MCM3: variants seen among roughly 807,000 people sequenced by gnomAD.
The protein encoded by MCM3 is minichromosome maintenance complex component 3, also known as DNA replication licensing factor MCM3.
A neutral mutation model predicts 91.3 loss-of-function variants in MCM3; 59 were observed. The ratio of observed to expected loss-of-function variants is 0.65; its 90% CI spans 0.52 to 0.80. The LOEUF is 0.80. Among genes scored for constraint, MCM3 ranks in the 30% least tolerant of loss-of-function variants. The pLI is 0.00. For missense variants in MCM3, 919 were observed against 1,035.4 expected (o/e 0.89, Z 1.54); for synonymous variants, 383 against 379.6 (o/e 1.01, Z -0.10).
At chr6:52,280,502 G>A (rs1305739067) in intron 4 of MCM3, among the ~76,000 whole-genome samples, 1 of 152,220 alleles carries the variant, frequency 6.6e-6, no homozygotes, top group African/African-American at 2.4e-5. Flanking sequence ...GAGACTAGGA[G>A]AGATTAAGTA....
intron 1 of MCM3, among the ~76,000 whole-genome samples, chr6:52,284,264 C>T (rs772347105): frequency 6.6e-6 from 1 of 152,208 alleles, no homozygotes; most frequent in East Asian, 1.9e-4. Context: ...GCCCCTCCCC[C>T]ACAGTCTCCT....
rs1562398928 is a variant in MCM3 at position 52,282,051 on chromosome 6, A to G, written c.525T>C (p.Pro175=). 1.2e-6 allele frequency: 2 copies of G among 1,614,080 alleles called. No homozygotes were observed. Among genetic ancestry groups the G allele is most frequent in the East Asian group, 2.2e-5 (1 of 44,884 alleles). ...LVAFPSSSVY[P]TKDEENNPLE... is the part of the protein sequence containing the mutation. ...ACTGATTTATCCCCCTTACCTTGGT[A>G]GGATAGACAGAGCTGGAGGGAAAGG... The change falls in exon 4 of 17, where the codon CCT becomes CCC. Residue 175 remains proline, a synonymous_variant. Transcript: ENST00000596288.
Position 52,267,884 on chromosome 6 carries a change from G to T in MCM3, c.2053C>A (p.Gln685Lys). ...CCTTACCTCTTCCTCTTCTGCTCCT[G>T]GTCCTCTTGGCTTTTCTCCTCTTCA... ...EDEEEKSQEDQEQKRKRRKTR... is the reference protein window; with the variant it reads ...EDEEEKSQEDKEQKRKRRKTR... The change falls in exon 14 of 17, where the codon CAG becomes AAG. Residue 685 changes from glutamine to lysine, a missense_variant. Coordinates refer to ENST00000596288, the MANE Select transcript of MCM3 (RefSeq NM_002388.6). 8.1e-7 allele frequency: 1 copy of T among 1,233,112 alleles called. No individual in the cohort carries two copies. The highest frequency in any genetic ancestry group is 1.2e-6 in the Non-Finnish European group (1 of 843,098). The allele number at this position is 1,233,112 out of a possible 1,614,324, so 76.4% of individuals were successfully genotyped here.
At chr6:52,268,823 A>C (rs953723193) in intron 13 of MCM3, among the ~76,000 whole-genome samples, 10 of 152,190 alleles carry the variant, frequency 6.6e-5, no homozygotes, top group Admixed American at 2.0e-4. Flanking sequence ...GCTAACTGAA[A>C]GTACAGCACA....
At position 52,276,283 on chromosome 6, in the gene MCM3, G is replaced by A. The variant is rs750522535; in HGVS notation, c.1359C>T (p.Asn453=). 3 of 1,611,612 alleles carry A rather than the reference G, an allele frequency of 1.9e-6. No homozygotes were observed. In the Admixed American group the frequency reaches 5.0e-5, roughly 27 times the overall value. Residue 453 remains asparagine (N), a synonymous_variant, in exon 9 of 17, where the codon AAC becomes AAT. Transcript: ENST00000596288. ...NARCSVLAAA[N]PVYGRYDQYK... is the part of the protein sequence containing the mutation. ...TTCCACTTACCCTGCCGTAGACAGGGTTGGCAGCTGCCAAAACACTGCAGC... is the reference window on the plus strand; with the variant it reads ...TTCCACTTACCCTGCCGTAGACAGGATTGGCAGCTGCCAAAACACTGCAGC...
intron 1 of MCM3, 150 bp from the exon 2 acceptor site, chr6:52,283,556 A>G (rs967371057): frequency 2.3e-5 from 15 of 650,488 alleles, no homozygotes; most frequent in Non-Finnish European, 2.2e-5. Context: ...TCTCCCTTTC[A>G]TTCACTGTTT....
chr6:52,269,226 T>C lies in MCM3; in HGVS notation c.1828A>G (p.Thr610Ala). Reference protein sequence around the residue: ...QDSMSSDTARTSPVTARTLET... With the variant: ...QDSMSSDTARASPVTARTLET... ...AGTGTTCGGGCTGTAACTGGAGATG[T>C]CTAGGGAAGAAAAGGGAGGATTGCT... Residue 610 changes from threonine (T) to alanine (A), a missense_variant and splice_region_variant, in exon 13 of 17, where the codon ACA becomes GCA. Around this residue, in one of 3 missense-constraint regions of MCM3, gnomAD observed 285 missense variants for 311.4 expected, o/e 0.92. Coordinates refer to ENST00000596288, the MANE Select transcript of MCM3 (RefSeq NM_002388.6). 6.2e-7 allele frequency: 1 copy of C among 1,606,640 alleles called. No individual in the cohort carries two copies. Among genetic ancestry groups the C allele is most frequent in the Admixed American group, 1.7e-5 (1 of 59,792 alleles).
At chr6:52,283,138 G>GAA (rs59102970) in intron 2 of MCM3, among the ~76,000 whole-genome samples, 156 bp downstream of exon 2, 29 of 136,352 alleles carry the variant, frequency 2.1e-4, no homozygotes, top group African/African-American at 5.1e-4. Flanking sequence ...CCCACTTTTT[G>GAA]AAAAAAAAAA....
At chr6:52,276,826 T>C (rs1023743823) in intron 8 of MCM3, among the ~76,000 whole-genome samples, 1 of 152,242 alleles carries the variant, frequency 6.6e-6, no homozygotes, top group African/African-American at 2.4e-5. Context: ...AATAGTACAA[T>C]CTTCATTTTT....
chr6:52,267,611 T>C (rs1764746126), intron 14 of MCM3, among the ~76,000 whole-genome samples: 1 of 150,034 alleles, frequency 6.7e-6, no homozygotes, highest in African/African-American at 2.5e-5. Context: ...CACTGCAACC[T>C]CTGCCTCCCA....
Position 52,276,460 on chromosome 6 carries a change from T to G in MCM3, c.1182A>C (p.Glu394Asp). Residue 394 changes from glutamate to aspartate, a missense_variant, in exon 9 of 17, where the codon GAA (glutamate) becomes GAC (aspartate). By Grantham distance (45) the Glu-to-Asp change is conservative (BLOSUM62 2). Coordinates refer to ENST00000596288, the MANE Select transcript of MCM3 (RefSeq NM_002388.6). ...TDQETGERRL[E>D]AGAMVLADRG... ...GGTCAGCCAGGACCATGGCCCCTGC[T>G]TCCAGACGGCGCTCTCCTGGGAAGT... The G allele has an allele frequency of 6.2e-7, 1 of 1,614,142 alleles. No homozygotes were observed. Among genetic ancestry groups the G allele is most frequent in the Non-Finnish European group, 8.5e-7 (1 of 1,180,012 alleles).
chr6:52,276,395 T>C lies in MCM3; in HGVS notation c.1247A>G (p.Asp416Gly). The C allele has an allele frequency of 1.9e-6, 3 of 1,614,196 alleles. No homozygotes were observed. Among genetic ancestry groups the C allele is most frequent in the Non-Finnish European group, 2.5e-6 (3 of 1,180,048 alleles). The change falls in exon 9 of 17, where the codon GAC (aspartate) becomes GGC (glycine). Residue 416 changes from aspartate to glycine, a missense_variant. Physicochemically the swap from Asp to Gly is moderately conservative, Grantham distance 94. Coordinates refer to ENST00000596288, the MANE Select transcript of MCM3 (RefSeq NM_002388.6). Reference protein sequence around the residue: ...VCIDEFDKMSDMDRTAIHEVM... With the variant: ...VCIDEFDKMSGMDRTAIHEVM... ...TTCATGGATGGCTGTGCGATCCATG[T>C]CAGACATTTTGTCAAATTCATCAAT...
In MCM3 at chr6:52,282,806, A is replaced by G; in HGVS notation, c.247T>C (p.Phe83Leu). The change falls in exon 3 of 17, where the codon TTT becomes CTT. Residue 83 changes from phenylalanine (F) to leucine (L), a missense_variant. Phe to Leu is a conservative substitution (Grantham distance 22). Around this residue, in one of 3 missense-constraint regions of MCM3, gnomAD observed 401 missense variants for 402.7 expected, o/e 1.00. Coordinates refer to ENST00000596288, the MANE Select transcript of MCM3 (RefSeq NM_002388.6). ...TAGGTAGCATCAATGGAGGCCACAAAATCCTTTAAGGCCCGCTGGAAGGCA... is the reference window on the plus strand; with the variant it reads ...TAGGTAGCATCAATGGAGGCCACAAGATCCTTTAAGGCCCGCTGGAAGGCA... Reference protein sequence around the residue: ...LVAFQRALKDFVASIDATYAK... With the variant: ...LVAFQRALKDLVASIDATYAK... 1.2e-6 allele frequency: 2 copies of G among 1,614,094 alleles called. No individual in the cohort carries two copies. The highest frequency in any genetic ancestry group is 1.7e-6 in the Non-Finnish European group (2 of 1,180,026).
chr6:52,268,507 C>G (rs1341246648), intron 13 of MCM3, among the ~76,000 whole-genome samples: 1 of 152,140 alleles, frequency 6.6e-6, no homozygotes, highest in Non-Finnish European at 1.5e-5. Context: ...CAACTCAACC[C>G]CAAAAGGCTA....
At chr6:52,265,237 T>C (rs1208243375) in intron 16 of MCM3, 1 of 408,300 alleles carries the variant, frequency 2.4e-6, no homozygotes, top group East Asian at 7.7e-5. Flanking sequence ...ATCCATACCA[T>C]GGAAACCCTG....
chr6:52,267,765 A>T (rs930260280), intron 14 of MCM3, 100 bp downstream of exon 14: 6 of 706,092 alleles, frequency 8.5e-6, no homozygotes, highest in Admixed American at 4.0e-5. Flanking sequence ...GACTCAAGTG[A>T]CCCACCCGCC....
At chr6:52,274,390 T>C (rs1765388596) in intron 9 of MCM3, among the ~76,000 whole-genome samples, 1 of 152,152 alleles carries the variant, frequency 6.6e-6, no homozygotes, top group African/African-American at 2.4e-5. Flanking sequence ...CATAACATCT[T>C]AGAAACTGGC....
At chr6:52,274,818 C>A (rs12211020) in intron 9 of MCM3, among the ~76,000 whole-genome samples, 46,812 of 152,050 alleles carry the variant, frequency 0.31, 8,998 homozygotes, top group South Asian at 0.43. Context: ...GAGAACATAA[C>A]AACCTTTAGG....
chr6:52,271,185 A>G (rs1315447878), intron 12 of MCM3, among the ~76,000 whole-genome samples: 6 of 152,124 alleles, frequency 3.9e-5, no homozygotes, highest in Non-Finnish European at 7.4e-5. Context: ...CTCAAAAAAA[A>G]AGTCCCAGCA....
Sources: gnomAD v4.1 joint callset for allele counts (sites outside exome capture counted in the v4.1 genomes callset) on GRCh38, gnomAD v4.1.1 for gene constraint, gnomAD v4.1.1 regional missense constraint, MANE v1.5 for transcripts, NCBI Gene and HGNC (gene_info 2026-07-23, HGNC 2026-07-21) for gene names.